The following SCAPER variants were observed in gnomAD, a reference collection of about 807,000 sequenced individuals.
SCAPER encodes the protein S phase cyclin A-associated protein in the endoplasmic reticulum.
A neutral mutation model predicts 182.2 loss-of-function variants in SCAPER; 98 were observed. That is an observed-to-expected ratio of 0.54 (90% CI 0.46 to 0.64). The LOEUF (loss-of-function observed/expected upper bound fraction) is 0.64, where lower values mean the gene tolerates loss of function less well. Among genes scored for constraint, SCAPER ranks in the 30% least tolerant of loss-of-function variants. The pLI is 0.00. For synonymous variants in SCAPER, 605 were observed against 564.6 expected (o/e 1.07, Z -1.01); for missense variants, 1,432 against 1,690.0 (o/e 0.85, Z 2.68).
chr15:76,872,805 T>C (rs1213900753), intron 2 of SCAPER, among the ~76,000 whole-genome samples: 1 of 151,814 alleles, frequency 6.6e-6, no homozygotes, highest in Non-Finnish European at 1.5e-5. Flanking sequence ...GAAAGTACTA[T>C]AATCTTATGA....
intron 21 of SCAPER, among the ~76,000 whole-genome samples, chr15:76,643,978 T>C (rs1466717693): frequency 6.6e-6 from 1 of 152,158 alleles, no homozygotes; most frequent in African/African-American, 2.4e-5. Context: ...GAACTATAGT[T>C]TGAAAATCAC....
At chr15:76,464,837 T>C (rs1345794854) in intron 25 of SCAPER, among the ~76,000 whole-genome samples, 1 of 152,126 alleles carries the variant, frequency 6.6e-6, no homozygotes, top group Admixed American at 6.6e-5. Flanking sequence ...CTTTTTTCCT[T>C]AGTGCCTGCA....
chr15:76,873,645 G>C (rs1462553729), intron 2 of SCAPER, among the ~76,000 whole-genome samples: 1 of 151,914 alleles, frequency 6.6e-6, no homozygotes, highest in Non-Finnish European at 1.5e-5. Context: ...AGAACAAGCA[G>C]ACAAAAAAAT....
intron 15 of SCAPER, among the ~76,000 whole-genome samples, chr15:76,752,698 G>C (rs1011353146): frequency 6.6e-6 from 1 of 151,716 alleles, no homozygotes; most frequent in African/African-American, 2.4e-5. Flanking sequence ...CTAGAAAGTA[G>C]AATGATGATT....
chr15:76,527,340 C>T (rs2043286443), intron 23 of SCAPER, among the ~76,000 whole-genome samples: 1 of 152,108 alleles, frequency 6.6e-6, no homozygotes, highest in African/African-American at 2.4e-5. Context: ...TTTATTCTGT[C>T]TCTTCCTCTA....
At chr15:76,432,983 A>G (rs1045063822) in intron 26 of SCAPER, among the ~76,000 whole-genome samples, 1 of 152,210 alleles carries the variant, frequency 6.6e-6, no homozygotes, top group East Asian at 1.9e-4. Flanking sequence ...GGGTTACTAT[A>G]CTATACTATA....
chr15:76,578,209 C>T (rs929455864), intron 22 of SCAPER, among the ~76,000 whole-genome samples: 1 of 152,126 alleles, frequency 6.6e-6, no homozygotes, highest in Admixed American at 6.5e-5. Flanking sequence ...AGGTTGATTC[C>T]TAAGGTTTCT....
At chr15:76,609,885 T>C (rs35252206) in intron 22 of SCAPER, among the ~76,000 whole-genome samples, 8,663 of 152,162 alleles carry the variant, frequency 0.057, 365 homozygotes, top group Non-Finnish European at 0.084. Context: ...TCTTTTTTTT[T>C]CCCCCTTATG....
intron 2 of SCAPER, among the ~76,000 whole-genome samples, chr15:76,875,769 G>C (rs1390861496): frequency 6.6e-6 from 1 of 152,240 alleles, no homozygotes; most frequent in African/African-American, 2.4e-5. Context: ...CGCTGGCTCA[G>C]GAGTGAAGCT....
At chr15:76,459,508 A>G (rs1238333485) in intron 25 of SCAPER, among the ~76,000 whole-genome samples, 1 of 142,814 alleles carries the variant, frequency 7.0e-6, no homozygotes, top group Non-Finnish European at 1.5e-5. Flanking sequence ...ATATCTATTC[A>G]TGTCTTTTGC....
chr15:76,349,443 A>G (rs750545730), intron 31 of SCAPER: 1 of 122,386 alleles, frequency 8.2e-6, no homozygotes, highest in Non-Finnish European at 1.7e-5. Context: ...TGACATAGGT[A>G]AAGTAAACAA....
Position 76,471,203 on chromosome 15 carries a change from A to G in SCAPER, c.3078+9T>C, listed in dbSNP as rs2050137893. 1 of 1,599,496 alleles carries G rather than the reference A, an allele frequency of 6.3e-7. No individual in the cohort carries two copies. The highest frequency in any genetic ancestry group is 8.5e-7 in the Non-Finnish European group (1 of 1,174,214). ...ACTGCTTCTAACTCAAAGCAATAATATTACATACCGTCAACTGGTGTATCA... is the reference window on the plus strand; with the variant it reads ...ACTGCTTCTAACTCAAAGCAATAATGTTACATACCGTCAACTGGTGTATCA... On this transcript the variant is annotated intron_variant, in intron 25 of 31. Transcript: ENST00000563290.
intron 22 of SCAPER, chr15:76,576,843 G>C (rs1225386788): frequency 6.6e-6 from 1 of 152,252 alleles, no homozygotes; most frequent in African/African-American, 2.4e-5. Flanking sequence ...CCCACAGAGA[G>C]AGCATTTATA....
At chr15:76,410,933 T>C (rs1342277786) in intron 26 of SCAPER, among the ~76,000 whole-genome samples, 1 of 152,216 alleles carries the variant, frequency 6.6e-6, no homozygotes, top group Non-Finnish European at 1.5e-5. Context: ...CTGCTGTCAC[T>C]GTGATTAATA....
chr15:76,763,868 T>C (rs2062946691), intron 14 of SCAPER, among the ~76,000 whole-genome samples: 1 of 152,218 alleles, frequency 6.6e-6, no homozygotes, highest in Non-Finnish European at 1.5e-5. Context: ...TTTCCTGATT[T>C]TGTTACATTA....
chr15:76,785,270 A>G (rs2064497102), intron 8 of SCAPER, among the ~76,000 whole-genome samples: 1 of 152,272 alleles, frequency 6.6e-6, no homozygotes, highest in African/African-American at 2.4e-5. Flanking sequence ...CAACAGGCAC[A>G]TGAAGAAATG....
chr15:76,602,286 C>T (rs2049984480), intron 22 of SCAPER, among the ~76,000 whole-genome samples: 2 of 121,682 alleles, frequency 1.6e-5, no homozygotes, highest in African/African-American at 5.0e-5. Context: ...CTTCTTTTAA[C>T]ATTTCCTGCA....
chr15:76,484,144 T>A (rs2051389963), intron 24 of SCAPER, among the ~76,000 whole-genome samples: 2 of 152,176 alleles, frequency 1.3e-5, no homozygotes, highest in Non-Finnish European at 2.9e-5. Context: ...ATACAATGGA[T>A]TATTATTCAG....
chr15:76,452,617 T>C (rs1171657840), intron 25 of SCAPER, among the ~76,000 whole-genome samples: 1 of 152,198 alleles, frequency 6.6e-6, no homozygotes, highest in Non-Finnish European at 1.5e-5. Flanking sequence ...AGGAAGACAT[T>C]TTAAGTTGAA....
Sources: allele counts gnomAD v4.1 joint callset (sites outside exome capture counted in the v4.1 genomes callset), GRCh38; gene constraint gnomAD v4.1.1; transcripts MANE v1.5; gene names NCBI Gene and HGNC (gene_info 2026-07-23, HGNC 2026-07-21).